Variants in RNF130 observed in about 807,000 individuals in gnomAD.
RNF130 encodes the protein ring finger protein 130.
Under a neutral mutation model 44.6 loss-of-function variants are expected in RNF130, and 21 were observed. That is an observed-to-expected ratio of 0.47 (90% CI 0.33 to 0.68). The LOEUF (loss-of-function observed/expected upper bound fraction) is 0.68, where lower values mean the gene tolerates loss of function less well. Ranked by LOEUF, RNF130 falls within the 30% of genes least tolerant of loss-of-function variation. RNF130 has a pLI of 0.02. For missense variants in RNF130, 479 were observed against 560.6 expected, an observed-to-expected ratio of 0.85 and a Z score of 1.47; for synonymous variants, 214 against 210.4, an observed-to-expected ratio of 1.02 and a Z score of -0.15.
intron 7 of RNF130, among the ~76,000 whole-genome samples, chr5:179,940,798 C>T (rs1761960875): frequency 6.6e-6 from 1 of 151,526 alleles, no homozygotes. Flanking sequence ...CTGCTTCTGC[C>T]CCATTCTCTG....
chr5:179,939,662 G>T, intron 7 of RNF130: 1 of 463,112 alleles, frequency 2.2e-6, no homozygotes, highest in South Asian at 1.7e-5. Flanking sequence ...GAGGCCCTGT[G>T]ACCTAGTGAT....
At chr5:179,931,844 G>A (rs1561661093) in intron 7 of RNF130, among the ~76,000 whole-genome samples, 2 of 151,962 alleles carry the variant, frequency 1.3e-5, no homozygotes, top group Admixed American at 6.6e-5. Context: ...CAGCACCCCC[G>A]TGACTGTAGA....
chr5:180,013,822 G>T (rs1389469553), intron 2 of RNF130, among the ~76,000 whole-genome samples: 7 of 152,198 alleles, frequency 4.6e-5, no homozygotes, highest in Admixed American at 3.9e-4. Flanking sequence ...ACTGTCTGTA[G>T]AACTAGTGCC....
chr5:180,004,424 TGAG>T (rs1763417513), intron 3 of RNF130, among the ~76,000 whole-genome samples: 1 of 152,188 alleles, frequency 6.6e-6, no homozygotes, highest in Non-Finnish European at 1.5e-5. Flanking sequence ...CAGAAAGAGA[TGAG>T]GAGATCTGTC....
At chr5:179,933,423 A>AGT (rs1761841423) in intron 7 of RNF130, among the ~76,000 whole-genome samples, 1 of 34,338 alleles carries the variant, frequency 2.9e-5, no homozygotes, top group East Asian at 7.3e-4. Context: ...TGTGTGTGTG[A>AGT]GTGTGTGGTA....
chr5:180,045,027 T>A (rs1184093120), intron 1 of RNF130, among the ~76,000 whole-genome samples: 1 of 151,710 alleles, frequency 6.6e-6, no homozygotes, highest in Non-Finnish European at 1.5e-5. Flanking sequence ...AGGAAGGAGG[T>A]GGATACGCAA....
At chr5:180,021,708 G>A (rs981300586) in intron 2 of RNF130, among the ~76,000 whole-genome samples, 68 of 152,188 alleles carry the variant, frequency 4.5e-4, no homozygotes, top group African/African-American at 1.6e-3. Flanking sequence ...AACCATTCAA[G>A]AGTAAGTTCC....
intron 1 of RNF130, among the ~76,000 whole-genome samples, chr5:180,048,335 A>G (rs1057302511): frequency 1.3e-5 from 2 of 152,288 alleles, no homozygotes; most frequent in African/African-American, 4.8e-5. Context: ...GTCTGTTTCC[A>G]GGTTGCTCTG....
chr5:180,034,549 T>C (rs1159854277), intron 2 of RNF130, among the ~76,000 whole-genome samples: 1 of 152,078 alleles, frequency 6.6e-6, no homozygotes, highest in Non-Finnish European at 1.5e-5. Flanking sequence ...ATGCTATTTT[T>C]TCTTGAGTCA....
chr5:179,999,125 C>T (rs1011773906), intron 3 of RNF130, among the ~76,000 whole-genome samples: 4 of 131,346 alleles, frequency 3.0e-5, no homozygotes, highest in Non-Finnish European at 6.7e-5. Context: ...CAGGTTCAAG[C>T]GATTCTCTGC....
rs1207971520 is a variant in RNF130, at chr5:179,955,460, T to C, written c.*194A>G. 6.1e-6 allele frequency: 3 copies of C among 494,490 alleles called. No homozygotes were observed. Among genetic ancestry groups the C allele is most frequent in the Non-Finnish European group, 1.1e-5 (3 of 275,882 alleles). 30.6% of individuals were successfully genotyped at this position (494,490 alleles called of 1,614,324 possible). On this transcript the variant is annotated 3_prime_UTR_variant, in exon 9 of 9. Coordinates refer to ENST00000521389, the MANE Select transcript of RNF130 (RefSeq NM_018434.6). Reference sequence around the variant, plus strand: ...GCCCTCAAAACACAGGTCTGGTTAATAAGACTCAACAGCACAGACTTTTTA... The same window carrying C: ...GCCCTCAAAACACAGGTCTGGTTAACAAGACTCAACAGCACAGACTTTTTA...
At chr5:179,950,869 C>T (rs895046658), downstream of RNF130, among the ~76,000 whole-genome samples, 2 of 152,030 alleles carry the variant, frequency 1.3e-5, no homozygotes, top group Admixed American at 6.6e-5. Context: ...AATGAATCAC[C>T]GTTAAATAAG....
At chr5:180,016,963 C>CT (rs1763751430) in intron 2 of RNF130, among the ~76,000 whole-genome samples, 1 of 152,194 alleles carries the variant, frequency 6.6e-6, no homozygotes, top group South Asian at 2.1e-4. Context: ...ACCCTGTGTT[C>CT]TTTAATAGAT....
intron 7 of RNF130, 98 bp from the exon 8 acceptor site, chr5:179,963,662 G>A (rs1302428427): frequency 2.7e-5 from 23 of 852,640 alleles, no homozygotes; most frequent in Admixed American, 1.0e-4. Flanking sequence ...AGACGTCAAC[G>A]GAGGTGTAAG....
At chr5:179,995,359 C>A (rs1658348288) in intron 3 of RNF130, among the ~76,000 whole-genome samples, 1 of 152,180 alleles carries the variant, frequency 6.6e-6, no homozygotes, top group Non-Finnish European at 1.5e-5. Flanking sequence ...GATGGGGGTG[C>A]AGGGGTCCAA....
intron 3 of RNF130, among the ~76,000 whole-genome samples, chr5:180,005,215 G>C (rs1490123988): frequency 6.6e-6 from 1 of 152,088 alleles, no homozygotes; most frequent in African/African-American, 2.4e-5. Context: ...ATCACCTATG[G>C]TCAGGAGTTT....
At chr5:180,003,267 G>C (rs116278807) in intron 3 of RNF130, among the ~76,000 whole-genome samples, 1 of 152,076 alleles carries the variant, frequency 6.6e-6, no homozygotes. Context: ...GCTCGGTGAT[G>C]AGCCGTGTGA....
intron 5 of RNF130, chr5:179,976,644 A>C (rs1030676270): frequency 3.9e-5 from 6 of 151,926 alleles, no homozygotes; most frequent in African/African-American, 1.4e-4. Context: ...CTGGACTTCC[A>C]GAATCTTGGA....
At chr5:180,014,625 C>T (rs1348275021) in intron 2 of RNF130, among the ~76,000 whole-genome samples, 1 of 152,108 alleles carries the variant, frequency 6.6e-6, no homozygotes, top group South Asian at 2.1e-4. Context: ...GTTTCATTTA[C>T]CATATTTAGC....
Sources: gnomAD v4.1 joint callset for allele counts (sites outside exome capture counted in the v4.1 genomes callset) on GRCh38, gnomAD v4.1.1 for gene constraint, MANE v1.5 for transcripts, NCBI Gene and HGNC (gene_info 2026-07-23, HGNC 2026-07-21) for gene names.